APC: variants seen among roughly 807,000 people sequenced by gnomAD.
APC encodes the protein adenomatous polyposis coli protein.
In APC, 72 loss-of-function variants were observed where a neutral mutation model predicts 247.0. The observed-to-expected ratio is 0.29, with a 90% confidence interval of 0.24 to 0.35. The LOEUF (loss-of-function observed/expected upper bound fraction) is 0.35. APC is among the 10% of genes least tolerant of loss of function. The probability of loss-of-function intolerance (pLI) is 1.00; values close to 1 mark genes in which losing one functional copy is unlikely to be tolerated. For missense variants in APC, 3,400 were observed against 3,360.7 expected, an observed-to-expected ratio of 1.01 and a Z score of -0.29; for synonymous variants, 1,254 against 1,162.5, an observed-to-expected ratio of 1.08 and a Z score of -1.60.
In APC at chr5:112,834,574, CT is replaced by C. The variant is rs921076687; in HGVS notation, c.1744-367del. Reference sequence around the variant, plus strand: ...CGGGCCTTAATCCACTTCCTGTTCACTTTTTTTTTTCTTTTTTCAAGCAACC... The same window carrying C: ...CGGGCCTTAATCCACTTCCTGTTCACTTTTTTTTTCTTTTTTCAAGCAACC... On this transcript the variant is annotated intron_variant, in intron 14 of 15. Coordinates refer to ENST00000257430, the MANE Select transcript of APC (RefSeq NM_000038.6). 1.3e-3 allele frequency among the ~76,000 whole-genome samples: 189 copies of C among 149,976 alleles called. 3 individuals carry two copies. The highest frequency in any genetic ancestry group is 6.9e-3 in the Middle Eastern group (2 of 290).
chr5:112,827,817 G>A (rs1168496595), intron 12 of APC, 112 bp from the exon 13 acceptor site: 2 of 836,364 alleles, frequency 2.4e-6, no homozygotes, highest in Non-Finnish European at 4.0e-6. Flanking sequence ...TGAAGTATCA[G>A]TTATGATTAA....
At chr5:112,716,675 T>G (rs746920763) in intron 1 of APC, among the ~76,000 whole-genome samples, 7 of 152,234 alleles carry the variant, frequency 4.6e-5, no homozygotes, top group Non-Finnish European at 1.0e-4. Flanking sequence ...GATTTGAGTA[T>G]TTCCCTTGTA....
chr5:112,761,205 T>G (rs1337530540), intron 2 of APC, among the ~76,000 whole-genome samples: 2 of 152,162 alleles, frequency 1.3e-5, no homozygotes, highest in Non-Finnish European at 2.9e-5. Flanking sequence ...ATCAATCATC[T>G]TAAGTCTCTT....
intron 1 of APC, among the ~76,000 whole-genome samples, chr5:112,713,154 G>C (rs992139951): frequency 1.1e-4 from 16 of 144,174 alleles, no homozygotes; most frequent in Non-Finnish European, 2.1e-4. Context: ...CTGGGTGACA[G>C]AGCGAGACTC....
chr5:112,843,855 G>A lies in APC; in HGVS notation c.8261G>A (p.Ser2754Asn), dbSNP rs369721828. 4.4e-5 allele frequency: 71 copies of A among 1,613,890 alleles called. No homozygotes were observed. The highest frequency in any genetic ancestry group is 5.1e-6 in the Non-Finnish European group (6 of 1,179,950). Residue 2754 changes from serine (S) to asparagine (N), a missense_variant, in exon 16 of 16, where the codon AGT (serine) becomes AAT (asparagine). This residue lies in a region of APC where 1,788 missense variants were observed against 1,649.5 expected (regional missense o/e 1.08). Transcript: ENST00000257430. The surrounding 1 kb of genome is among the most constrained non-coding windows in gnomAD (Gnocchi z 4.8). ...GTCCCTGTATCAGAGACTAATGAAA[G>A]TTCTATAGTGGAACGTACCCCATTC... ...NPVPVSETNE[S>N]SIVERTPFSS...
At position 112,827,103 on chromosome 5, in the gene APC, A is replaced by G. The variant is rs768109346; in HGVS notation, c.1409-5A>G. 1 of 1,613,318 alleles carries G rather than the reference A, an allele frequency of 6.2e-7. No homozygotes were observed. The highest frequency in any genetic ancestry group is 8.5e-7 in the Non-Finnish European group (1 of 1,179,710). On this transcript the variant is annotated splice_region_variant and splice_polypyrimidine_tract_variant and intron_variant, in intron 11 of 15. Coordinates refer to ENST00000257430, the MANE Select transcript of APC (RefSeq NM_000038.6). ...GTCTTTTTCCTCTTGCCCTTTTTAA[A>G]TTAGGGGGACTACAGGCCATTGCAG...
At chr5:112,722,794 G>T (rs886539955) in intron 1 of APC, among the ~76,000 whole-genome samples, 12 of 152,140 alleles carry the variant, frequency 7.9e-5, no homozygotes, top group African/African-American at 2.4e-4. Context: ...CCTTCTCTGG[G>T]TGTACCAACC....
upstream of APC, among the ~76,000 whole-genome samples, chr5:112,733,223 A>G (rs1412144524): frequency 1.3e-5 from 2 of 152,230 alleles, no homozygotes; most frequent in African/African-American, 4.8e-5. Flanking sequence ...AAGCTATAGT[A>G]TGGTCAGCAG....
chr5:112,846,042 A>G lies in APC; in HGVS notation c.*1916A>G. 4.3e-6 allele frequency: 1 copy of G among 232,094 alleles called. No individual in the cohort carries two copies. The allele number at this position is 232,094 out of a possible 1,614,324, so 14.4% of individuals were successfully genotyped here. A position where few individuals can be genotyped will look rare whatever the true frequency, so the allele number is the denominator to read the frequency against. On this transcript the variant is annotated 3_prime_UTR_variant, in exon 16 of 16. Transcript: ENST00000257430. The stretch of plus-strand genomic sequence containing the variant: ...TTAAAGCTAAAATGCCAGTAAATAA[A>G]AGTGCTATGACTTGAGCTAAGATAT...
chr5:112,803,771 T>C (rs892960058), intron 8 of APC, among the ~76,000 whole-genome samples: 6 of 152,202 alleles, frequency 3.9e-5, no homozygotes, highest in African/African-American at 1.4e-4. Context: ...CATGCAAATA[T>C]TAAAAATGAT....
At chr5:112,768,873 G>A (rs895084458) in intron 4 of APC, among the ~76,000 whole-genome samples, 1 of 151,908 alleles carries the variant, frequency 6.6e-6, no homozygotes, top group African/African-American at 2.4e-5. Context: ...ATACAGTAGT[G>A]TAGAACACAG....
chr5:112,739,323 A>G (rs1239219742), intron 1 of APC, among the ~76,000 whole-genome samples: 1 of 152,160 alleles, frequency 6.6e-6, no homozygotes, highest in Non-Finnish European at 1.5e-5. Flanking sequence ...CTCCCTGAAC[A>G]AGGATGGCAG....
intron 15 of APC, among the ~76,000 whole-genome samples, chr5:112,835,545 A>G (rs1008254323): frequency 2.6e-5 from 4 of 151,614 alleles, no homozygotes; most frequent in Admixed American, 2.0e-4. Flanking sequence ...ACATTTTTCT[A>G]ATGATGTCTT....
At chr5:112,725,380 G>A (rs1751719223) in intron 1 of APC, among the ~76,000 whole-genome samples, 1 of 152,136 alleles carries the variant, frequency 6.6e-6, no homozygotes, top group Non-Finnish European at 1.5e-5. Flanking sequence ...GTTCCCCAGA[G>A]GAAGTCACTG....
intron 1 of APC, among the ~76,000 whole-genome samples, chr5:112,750,806 A>G (rs1425842859): frequency 6.6e-6 from 1 of 152,116 alleles, no homozygotes; most frequent in Non-Finnish European, 1.5e-5. Flanking sequence ...ATCTTTACTT[A>G]AAAAAATAAA....
intron 4 of APC, among the ~76,000 whole-genome samples, chr5:112,774,344 A>T (rs1050096841): frequency 3.9e-5 from 6 of 152,094 alleles, no homozygotes; most frequent in Non-Finnish European, 8.8e-5. Flanking sequence ...GCATTTTTGG[A>T]TTTGAGATGC....
At chr5:112,777,253 G>A (rs1289173018) in intron 5 of APC, among the ~76,000 whole-genome samples, 3 of 151,662 alleles carry the variant, frequency 2.0e-5, no homozygotes, top group African/African-American at 7.3e-5. Context: ...AAACATTTAC[G>A]TGTGCATTTT....
At position 112,819,302 on chromosome 5, in the gene APC, C is replaced by G. The variant is rs1561542165; in HGVS notation, c.1270C>G (p.Gln424Glu). 6.2e-7 allele frequency: 1 copy of G among 1,613,958 alleles called. No homozygotes were observed. The stretch of plus-strand genomic sequence containing the variant: ...TTACTGTGAAACCTGTTGGGAGTGG[C>G]AGGAAGCTCATGAACCAGGCATGGA... ...RAYCETCWEWQEAHEPGMDQD... is the reference protein window; with the variant it reads ...RAYCETCWEWEEAHEPGMDQD... The change falls in exon 10 of 16, where the codon CAG becomes GAG. Residue 424 changes from glutamine (Q) to glutamate (E), a missense_variant. Around this residue, in one of 9 missense-constraint regions of APC, gnomAD observed 199 missense variants for 212.5 expected, o/e 0.94. Transcript: ENST00000257430.
chr5:112,765,515 T>C (rs1000374813), intron 2 of APC, among the ~76,000 whole-genome samples: 5 of 152,244 alleles, frequency 3.3e-5, no homozygotes, highest in African/African-American at 4.8e-5. Flanking sequence ...ACTTTTCTTA[T>C]AGGGGAACGT....
Sources: gnomAD v4.1 joint callset for allele counts (sites outside exome capture counted in the v4.1 genomes callset) on GRCh38, gnomAD v4.1.1 for gene constraint, gnomAD v4.1.1 regional missense constraint, Gnocchi (gnomAD v3.1) non-coding constraint, MANE v1.5 for transcripts, NCBI Gene and HGNC (gene_info 2026-07-23, HGNC 2026-07-21) for gene names.